The following MFSD2A variants were observed in gnomAD, a reference collection of about 807,000 sequenced individuals.
MFSD2A encodes MFSD2 lysolipid transporter A, lysophospholipid.
MFSD2A carries 27 observed loss-of-function variants against 64.7 expected under a neutral mutation model. The ratio of observed to expected loss-of-function variants is 0.42; its 90% CI spans 0.31 to 0.58. The LOEUF is 0.58. MFSD2A is among the 20% of genes least tolerant of loss of function. The pLI, the probability that MFSD2A is intolerant of heterozygous loss-of-function variation, is 0.18. For synonymous variants in MFSD2A, 258 were observed against 273.4 expected (o/e 0.94, Z 0.55); for missense variants, 474 against 679.5 (o/e 0.70, Z 3.36).
intron 13 of MFSD2A, among the ~76,000 whole-genome samples, chr1:39,969,182 TTCA>T (rs900137085): frequency 2.0e-5 from 3 of 152,178 alleles, no homozygotes; most frequent in South Asian, 2.1e-4. Flanking sequence ...GACTGCACTC[TTCA>T]TCAGCCTCCT....
Position 39,964,828 on chromosome 1 carries a change from C to T in MFSD2A, c.354-383C>T, listed in dbSNP as rs1002940469. 4.5e-5 allele frequency: 11 copies of T among 242,686 alleles called. No individual in the cohort carries two copies. Among genetic ancestry groups the T allele is most frequent in the African/African-American group, 1.5e-4 (6 of 39,462 alleles). The allele number at this position is 242,686 out of a possible 1,614,324, so 15.0% of individuals were successfully genotyped here. A position where few individuals can be genotyped will look rare whatever the true frequency, so the allele number is the denominator to read the frequency against. On this transcript the variant is annotated intron_variant, in intron 3 of 13. Coordinates refer to ENST00000372811, the MANE Select transcript of MFSD2A (RefSeq NM_032793.5). This position sits in a 1 kb window ranked among gnomAD's most constrained non-coding sequence, Gnocchi z 4.1. Reference sequence around the variant, plus strand: ...TGTGTGTGAATGGGGTGTGTGTGTGCGGTTGATGACTATCCGTGTGAGAAC... The same window carrying T: ...TGTGTGTGAATGGGGTGTGTGTGTGTGGTTGATGACTATCCGTGTGAGAAC...
In MFSD2A at chr1:39,964,107, A is replaced by T. The variant is rs1009273417; in HGVS notation, c.354-1104A>T. On this transcript the variant is annotated intron_variant, in intron 3 of 13. Transcript: ENST00000372811. This position sits in a 1 kb window ranked among gnomAD's most constrained non-coding sequence, Gnocchi z 4.1. ...CATCCTTCCAAAGCGAAATTATGCA[A>T]TATTTATCTTTTTGTGTCTTGCTGA... The T allele has an allele frequency of 6.6e-5, 10 of 152,660 alleles. No homozygotes were observed. The highest frequency in any genetic ancestry group is 1.9e-4 in the African/African-American group (8 of 41,446). 9.5% of individuals were successfully genotyped at this position (152,660 alleles called of 1,614,324 possible). A position where few individuals can be genotyped will look rare whatever the true frequency, so the allele number is the denominator to read the frequency against.
intron 3 of MFSD2A, among the ~76,000 whole-genome samples, chr1:39,959,250 CTTTTT>C: frequency 7.0e-6 from 1 of 142,074 alleles, no homozygotes; most frequent in South Asian, 2.3e-4. Flanking sequence ...ATCTTTCTTT[CTTTTT>C]TTTTTTTTTA....
Position 39,968,548 on chromosome 1 carries a change from C to T in MFSD2A, c.1353-21C>T. Reference sequence around the variant, plus strand: ...CCAGGTGCCCCATCTTCACCGTTCTCCTACCCCCTGGGTCCCATAGCTTTG... The same window carrying T: ...CCAGGTGCCCCATCTTCACCGTTCTTCTACCCCCTGGGTCCCATAGCTTTG... On this transcript the variant is annotated intron_variant, in intron 12 of 13. Coordinates refer to ENST00000372811, the MANE Select transcript of MFSD2A (RefSeq NM_032793.5). The surrounding 1 kb of genome is among the most constrained non-coding windows in gnomAD (Gnocchi z 4.4). 1.2e-6 allele frequency: 2 copies of T among 1,613,932 alleles called. No individual in the cohort carries two copies. The highest frequency in any genetic ancestry group is 1.7e-6 in the Non-Finnish European group (2 of 1,179,854).
At chr1:39,957,048 C>T in intron 1 of MFSD2A, 39 bp from the exon 2 acceptor site, 2 of 1,612,006 alleles carry the variant, frequency 1.2e-6, no homozygotes, top group Non-Finnish European at 1.7e-6. Context: ...GGATGGAGGC[C>T]AGAACCTTGG....
rs1032596035 is a variant in MFSD2A, at chr1:39,955,810, G to A, written c.93+425G>A. 3 of 353,858 alleles carry A rather than the reference G, an allele frequency of 8.5e-6. No individual in the cohort carries two copies. Among genetic ancestry groups the A allele is most frequent in the African/African-American group, 4.3e-5 (2 of 46,176 alleles). The allele number at this position is 353,858 out of a possible 1,614,324, so 21.9% of individuals were successfully genotyped here. A position where few individuals can be genotyped will look rare whatever the true frequency, so the allele number is the denominator to read the frequency against. ...CTTGCGCCTCAACTCTGCTGTTAGG[G>A]CCGCTCAAGTTCATTCATAAGAACA... On this transcript the variant is annotated intron_variant, in intron 1 of 13. Coordinates refer to ENST00000372811, the MANE Select transcript of MFSD2A (RefSeq NM_032793.5). This position sits in a 1 kb window ranked among gnomAD's most constrained non-coding sequence, Gnocchi z 5.9.
Position 39,967,050 on chromosome 1 carries a change from C to T in MFSD2A, c.928-36C>T, listed in dbSNP as rs750068253. ...GGCTCAGCCCCAACATCACCTCCTT[C>T]CTTGCATTTCCTTCCCTACCTTGCT... is the stretch of plus-strand genomic sequence containing the variant. On this transcript the variant is annotated intron_variant, in intron 8 of 13. Coordinates refer to ENST00000372811, the MANE Select transcript of MFSD2A (RefSeq NM_032793.5). 4 of 1,612,374 alleles carry T rather than the reference C, an allele frequency of 2.5e-6. No homozygotes were observed. The African/African-American group carries it at 5.3e-5, about 22-fold the overall frequency.
intron 3 of MFSD2A, among the ~76,000 whole-genome samples, chr1:39,961,041 CTGGGCTGGAGCT>C (rs1307751336): frequency 6.6e-6 from 1 of 152,144 alleles, no homozygotes; most frequent in African/African-American, 2.4e-5. Flanking sequence ...TCTCAAACTC[CTGGGCTGGAGCT>C]ATTCTCCTGC....
In MFSD2A at chr1:39,965,102, A is replaced by T; in HGVS notation, c.354-109A>T. 1 of 1,448,398 alleles carries T rather than the reference A, an allele frequency of 6.9e-7. No individual in the cohort carries two copies. Among genetic ancestry groups the T allele is most frequent in the Non-Finnish European group, 9.4e-7 (1 of 1,064,850 alleles). The allele number at this position is 1,448,398 out of a possible 1,614,324, so 89.7% of individuals were successfully genotyped here. ...TGGCAGGAGTATGGGGAAGGAAGGAAGAGCTTAGCTTCCTTCCCTGTGGGG... is the reference window on the plus strand; with the variant it reads ...TGGCAGGAGTATGGGGAAGGAAGGATGAGCTTAGCTTCCTTCCCTGTGGGG... On this transcript the variant is annotated intron_variant, in intron 3 of 13. Coordinates refer to ENST00000372811, the MANE Select transcript of MFSD2A (RefSeq NM_032793.5). The surrounding 1 kb of genome is among the most constrained non-coding windows in gnomAD (Gnocchi z 5.5).
At chr1:39,957,007 AGAGGGAT>A in intron 1 of MFSD2A, 73 bp from the exon 2 acceptor site, 1 of 1,443,998 alleles carries the variant, frequency 6.9e-7, no homozygotes, top group Admixed American at 1.8e-5. Flanking sequence ...AGAGCTGGCC[AGAGGGAT>A]GGTCCTTCCT....
In MFSD2A at chr1:39,958,549, G is replaced by A. The variant is rs534613198; in HGVS notation, c.229-152G>A. On this transcript the variant is annotated intron_variant, in intron 2 of 13. Coordinates refer to ENST00000372811, the MANE Select transcript of MFSD2A (RefSeq NM_032793.5). This position sits in a 1 kb window ranked among gnomAD's most constrained non-coding sequence, Gnocchi z 4.7. The stretch of plus-strand genomic sequence containing the variant: ...GAAATGCTATTGTCATTATTAACAA[G>A]GCAAGTGAAGATGTGTAAGGTCCAT... 1.7e-6 allele frequency: 2 copies of A among 1,150,728 alleles called. No homozygotes were observed. The highest frequency in any genetic ancestry group is 3.8e-5 in the Admixed American group (2 of 52,790). The allele number at this position is 1,150,728 out of a possible 1,614,324, so 71.3% of individuals were successfully genotyped here.
chr1:39,967,749 G>T, intron 10 of MFSD2A, 38 bp downstream of exon 10: 1 of 1,611,476 alleles, frequency 6.2e-7, no homozygotes, highest in Non-Finnish European at 8.5e-7. Context: ...GGTTGAGTTG[G>T]GATGTCTGGT....
intron 8 of MFSD2A, 22 bp downstream of exon 8, chr1:39,966,954 C>T (rs1311108874): frequency 1.9e-6 from 3 of 1,613,066 alleles, no homozygotes; most frequent in African/African-American, 1.3e-5. Flanking sequence ...CTGACATGCT[C>T]AGCCTGAGAA....
rs1211958382 is a variant in MFSD2A, at chr1:39,966,656, C to T, written c.770C>T (p.Ala257Val). Reference sequence around the variant, plus strand: ...ATTGTCTGTATCTATATAATCTGTGCTGTCATCCTGATCCTGGGCGTGCGG... The same window carrying T: ...ATTGTCTGTATCTATATAATCTGTGTTGTCATCCTGATCCTGGGCGTGCGG... ...GVIVCIYIIC[A>V]VILILGVREQ... Residue 257 changes from alanine (A) to valine (V), a missense_variant, in exon 7 of 14, where the codon GCT becomes GTT. Coordinates refer to ENST00000372811, the MANE Select transcript of MFSD2A (RefSeq NM_032793.5). The T allele has an allele frequency of 6.2e-7, 1 of 1,614,066 alleles. No homozygotes were observed. Among genetic ancestry groups the T allele is most frequent in the Non-Finnish European group, 8.5e-7 (1 of 1,180,000 alleles).
intron 3 of MFSD2A, among the ~76,000 whole-genome samples, chr1:39,959,981 C>T (rs532001398): frequency 6.6e-5 from 10 of 152,218 alleles, no homozygotes; most frequent in Non-Finnish European, 1.3e-4. Flanking sequence ...TAATTTGGCA[C>T]CCCTTCAGGG....
At position 39,963,772 on chromosome 1, in the gene MFSD2A, G is replaced by A. The variant is rs183036133; in HGVS notation, c.354-1439G>A. On this transcript the variant is annotated intron_variant, in intron 3 of 13. Transcript: ENST00000372811. This position sits in a 1 kb window ranked among gnomAD's most constrained non-coding sequence, Gnocchi z 4.2. ...TTTGTTTGAGACAGGGCCTCACTCC[G>A]TCACCAGGCTGGAGTGCAGTGGTGC... Among the ~76,000 whole-genome samples the A allele has an allele frequency of 9.2e-5, 14 of 152,238 alleles. No homozygotes were observed. The highest frequency in any genetic ancestry group is 2.2e-4 in the African/African-American group (9 of 41,536).
chr1:39,967,623 C>T lies in MFSD2A; in HGVS notation c.1012-5C>T. ...CTCCCTTTAACCCCCTTTGTCCATC[C>T]ACAGCTCTCGGCCACTTTAACCATT... is the stretch of plus-strand genomic sequence containing the variant. On this transcript the variant is annotated splice_polypyrimidine_tract_variant and splice_region_variant and intron_variant, in intron 9 of 13. Coordinates refer to ENST00000372811, the MANE Select transcript of MFSD2A (RefSeq NM_032793.5). 1 of 1,613,986 alleles carries T rather than the reference C, an allele frequency of 6.2e-7. No homozygotes were observed. Among genetic ancestry groups the T allele is most frequent in the Non-Finnish European group, 8.5e-7 (1 of 1,179,936 alleles).
In MFSD2A at chr1:39,965,725, C is replaced by A. The variant is rs978830089; in HGVS notation, c.557-132C>A. ...TGGAGAGGTGCATATGCGTTCAAAC[C>A]AAGGTGTCACCTACCCCACTACCTC... On this transcript the variant is annotated intron_variant, in intron 5 of 13. Transcript: ENST00000372811. The surrounding 1 kb of genome is among the most constrained non-coding windows in gnomAD (Gnocchi z 5.5). The A allele has an allele frequency of 3.1e-6, 4 of 1,284,548 alleles. No homozygotes were observed. The East Asian group carries it at 7.1e-5, about 23-fold the overall frequency. The allele number at this position is 1,284,548 out of a possible 1,614,324, so 79.6% of individuals were successfully genotyped here.
chr1:39,957,833 C>T (rs1644960942), intron 2 of MFSD2A: 1 of 151,778 alleles, frequency 6.6e-6, no homozygotes, highest in Non-Finnish European at 1.5e-5. Flanking sequence ...ACTACCGGGG[C>T]TCCTGCACCA....
Sources: allele counts gnomAD v4.1 joint callset (sites outside exome capture counted in the v4.1 genomes callset), GRCh38; gene constraint gnomAD v4.1.1; non-coding constraint Gnocchi (gnomAD v3.1); transcripts MANE v1.5; gene names NCBI Gene and HGNC (gene_info 2026-07-23, HGNC 2026-07-21).